Variants in KDM2A observed in about 807,000 individuals in gnomAD.
KDM2A encodes the protein lysine-specific demethylase 2A.
Under a neutral mutation model 137.3 loss-of-function variants are expected in KDM2A, and 3 were observed. The ratio of observed to expected loss-of-function variants is 0.02; its 90% CI spans 0.01 to 0.06. KDM2A has a LOEUF of 0.06. Among genes scored for constraint, KDM2A ranks in the 10% least tolerant of loss-of-function variants. The pLI, the probability that KDM2A is intolerant of heterozygous loss-of-function variation, is 1.00. For missense variants in KDM2A, 738 were observed against 1,510.6 expected (o/e 0.49, Z 8.48); for synonymous variants, 512 against 541.5 (o/e 0.95, Z 0.76).
intron 15 of KDM2A, among the ~76,000 whole-genome samples, chr11:67,247,074 T>TA (rs1565424315): frequency 1.1e-4 from 6 of 56,840 alleles, no homozygotes; most frequent in East Asian, 6.2e-4. Flanking sequence ...TATATATATT[T>TA]TTTTTTTTTT....
intron 5 of KDM2A, among the ~76,000 whole-genome samples, chr11:67,193,059 G>A (rs965821053): frequency 6.6e-6 from 1 of 152,006 alleles, no homozygotes; most frequent in African/African-American, 2.4e-5. Flanking sequence ...CCGCGATCTC[G>A]GCTTACTGCA....
At chr11:67,173,271 C>T (rs1856914292) in intron 2 of KDM2A, among the ~76,000 whole-genome samples, 1 of 152,178 alleles carries the variant, frequency 6.6e-6, no homozygotes, top group African/African-American at 2.4e-5. Context: ...TCCAGGCATG[C>T]GCCACCATGC....
At chr11:67,145,453 TCACTC>T (rs1856221809) in intron 2 of KDM2A, among the ~76,000 whole-genome samples, 1 of 151,770 alleles carries the variant, frequency 6.6e-6, no homozygotes, top group Non-Finnish European at 1.5e-5. Flanking sequence ...TTGTGCCACT[TCACTC>T]CAGCCTTCCA....
chr11:67,186,569 T>C (rs1399806040), intron 5 of KDM2A, among the ~76,000 whole-genome samples: 1 of 152,182 alleles, frequency 6.6e-6, no homozygotes, highest in Non-Finnish European at 1.5e-5. Flanking sequence ...TATGAAGAAA[T>C]ATCTCGATAA....
rs115657829 is a variant in KDM2A at position 67,219,488 on chromosome 11, C to T, written c.957+85C>T. ...TACAAGAGATTCACTGATGGTTTAT[C>T]AAAACTTCCATTTTTCTTTCAGTTA... On this transcript the variant is annotated intron_variant, in intron 10 of 20. Transcript: ENST00000529006. 731 of 592,124 alleles carry T rather than the reference C, an allele frequency of 1.2e-3. 2 individuals carry two copies. In the African/African-American group the frequency reaches 0.013, roughly 10 times the overall value. 36.7% of individuals were successfully genotyped at this position (592,124 alleles called of 1,614,324 possible).
chr11:67,134,555 A>T (rs1855930075), intron 2 of KDM2A, among the ~76,000 whole-genome samples: 1 of 151,842 alleles, frequency 6.6e-6, no homozygotes, highest in Admixed American at 6.6e-5. Flanking sequence ...CCGAGGCTGG[A>T]ATGTAGTGGT....
At chr11:67,133,348 C>T (rs755105655) in intron 2 of KDM2A, among the ~76,000 whole-genome samples, 5 of 152,054 alleles carry the variant, frequency 3.3e-5, no homozygotes, top group African/African-American at 7.2e-5. Context: ...GTGATCCACC[C>T]GCCTTGGCCT....
intron 3 of KDM2A, 194 bp downstream of exon 3, chr11:67,180,411 A>C: frequency 2.1e-6 from 1 of 467,594 alleles, no homozygotes; most frequent in Non-Finnish European, 3.7e-6. Flanking sequence ...TCTCTCCTAT[A>C]TTAGAAGTAA....
rs1859370802 is a variant in KDM2A, at chr11:67,250,275, C to T, written c.2245C>T (p.His749Tyr). Residue 749 changes from histidine to tyrosine, a missense_variant, in exon 17 of 21, where the codon CAC becomes TAC. Physicochemically the swap from His to Tyr is moderately conservative, Grantham distance 83. Around this residue, in one of 9 missense-constraint regions of KDM2A, gnomAD observed 244 missense variants for 324.6 expected, o/e 0.75. Transcript: ENST00000529006. This position sits in a 1 kb window ranked among gnomAD's most constrained non-coding sequence, Gnocchi z 7.1. ...CCCTGGGGCTGGCCCCAGCGACCACCACAGTGCCAGCCGCGATGAGCGCTT... is the reference window on the plus strand; with the variant it reads ...CCCTGGGGCTGGCCCCAGCGACCACTACAGTGCCAGCCGCGATGAGCGCTT... ...SSPGAGPSDH[H>Y]SASRDERFKR... The T allele has an allele frequency of 1.2e-6, 2 of 1,613,904 alleles. No homozygotes were observed. The highest frequency in any genetic ancestry group is 1.7e-6 in the Non-Finnish European group (2 of 1,179,886).
rs763223464 is a variant in KDM2A at position 67,245,275 on chromosome 11, A to G, written c.1650A>G (p.Thr550=). 6.2e-7 allele frequency: 1 copy of G among 1,613,888 alleles called. No homozygotes were observed. The highest frequency in any genetic ancestry group is 1.3e-5 in the African/African-American group (1 of 74,908). ...PHTMKPAPRL[T]PVRPAAASPI... ...CTATGAAACCAGCTCCACGGTTAAC[A>G]CCTGTGAGGCCAGCTGCTGCCTCCC... The change falls in exon 14 of 21, where the codon ACA becomes ACG. Residue 550 remains threonine, a synonymous_variant. Transcript: ENST00000529006. This position sits in a 1 kb window ranked among gnomAD's most constrained non-coding sequence, Gnocchi z 4.1.
intron 5 of KDM2A, among the ~76,000 whole-genome samples, chr11:67,183,560 G>A (rs1857135299): frequency 6.6e-6 from 1 of 152,182 alleles, no homozygotes; most frequent in African/African-American, 2.4e-5. Flanking sequence ...TCTATTGAAG[G>A]CTTGCAAATT....
rs192111042 is a variant in KDM2A, at chr11:67,151,317, A to T, written c.43-28762A>T. On this transcript the variant is annotated intron_variant, in intron 2 of 20. Coordinates refer to ENST00000529006, the MANE Select transcript of KDM2A (RefSeq NM_012308.3). ...TGAAATGTGGCTACTATGAATTAAG[A>T]TGTTGGTGTAAACTATACACACCAC... 3.3e-5 allele frequency among the ~76,000 whole-genome samples: 5 copies of T among 152,098 alleles called. No homozygotes were observed. In the East Asian group the frequency reaches 9.6e-4, roughly 29 times the overall value.
At chr11:67,191,960 C>T (rs1168563185) in intron 5 of KDM2A, among the ~76,000 whole-genome samples, 3 of 152,174 alleles carry the variant, frequency 2.0e-5, no homozygotes, top group African/African-American at 7.2e-5. Flanking sequence ...TTCCTTCTAT[C>T]ATGTGCATCT....
At chr11:67,232,370 C>T (rs535795798) in intron 12 of KDM2A, among the ~76,000 whole-genome samples, 54 of 152,276 alleles carry the variant, frequency 3.5e-4, no homozygotes, top group African/African-American at 1.3e-3. Flanking sequence ...GCTGGGTTAA[C>T]GTTGAGTAGC....
intron 10 of KDM2A, among the ~76,000 whole-genome samples, chr11:67,222,059 C>CTTTTTTTTTTTTTTTTTTTTTGATTTT (rs11373238): frequency 9.0e-6 from 1 of 110,530 alleles, no homozygotes; most frequent in Admixed American, 1.0e-4. Context: ...CTCTGTCATT[C>CTTTTTTTTTTTTTTTTTTTTTGATTTT]TTTTTTTTTT....
intron 2 of KDM2A, among the ~76,000 whole-genome samples, chr11:67,144,010 CG>C (rs1240405815): frequency 6.8e-6 from 1 of 147,938 alleles, no homozygotes; most frequent in East Asian, 2.0e-4. Flanking sequence ...GGTGCAATCT[CG>C]GCTCACTGCA....
chr11:67,241,720 AG>A (rs1406607810), intron 12 of KDM2A, among the ~76,000 whole-genome samples: 1 of 152,198 alleles, frequency 6.6e-6, no homozygotes. Context: ...TAAGGTCAGA[AG>A]AAGAAGGATT....
At chr11:67,225,270 AC>A (rs547003225) in intron 10 of KDM2A, among the ~76,000 whole-genome samples, 67 of 152,344 alleles carry the variant, frequency 4.4e-4, no homozygotes, top group African/African-American at 1.5e-3. Context: ...ATTTCTACTT[AC>A]AAAATATAGT....
intron 2 of KDM2A, among the ~76,000 whole-genome samples, chr11:67,163,029 G>A (rs994736466): frequency 3.9e-5 from 6 of 152,182 alleles, no homozygotes; most frequent in Non-Finnish European, 7.4e-5. Context: ...TTTTCTTAAA[G>A]TTAGGAATTG....
Sources: gnomAD v4.1 joint callset for allele counts (sites outside exome capture counted in the v4.1 genomes callset) on GRCh38, gnomAD v4.1.1 for gene constraint, gnomAD v4.1.1 regional missense constraint, Gnocchi (gnomAD v3.1) non-coding constraint, MANE v1.5 for transcripts, NCBI Gene and HGNC (gene_info 2026-07-23, HGNC 2026-07-21) for gene names.